Variants in CSGALNACT1 observed in about 807,000 individuals in gnomAD.
The protein encoded by CSGALNACT1 is beta4GalNAcT-1.
Under a neutral mutation model 51.0 loss-of-function variants are expected in CSGALNACT1, and 52 were observed. That is an observed-to-expected ratio of 1.02 (90% confidence interval 0.82 to 1.29). The LOEUF is 1.29. Among genes scored for constraint, CSGALNACT1 ranks in the 50% most tolerant of loss-of-function variants. The pLI is 0.00. For missense variants in CSGALNACT1, 935 were observed against 679.2 expected (o/e 1.38, Z -4.19); for synonymous variants, 341 against 254.4 (o/e 1.34, Z -3.24).
chr8:19,661,851 C>A (rs991204607), intron 1 of CSGALNACT1, among the ~76,000 whole-genome samples: 10 of 152,192 alleles, frequency 6.6e-5, no homozygotes, highest in African/African-American at 2.4e-4. Context: ...TCACCAGTGT[C>A]TGGGCCTCTA....
intron 3 of CSGALNACT1, among the ~76,000 whole-genome samples, chr8:19,576,090 C>T (rs1448299738): frequency 1.7e-4 from 26 of 152,148 alleles, no homozygotes; most frequent in Non-Finnish European, 3.8e-4. Context: ...CACCCCATCC[C>T]TGTTCTCTGT....
At chr8:19,693,643 C>T (rs954316471) in intron 1 of CSGALNACT1, among the ~76,000 whole-genome samples, 54 of 152,248 alleles carry the variant, frequency 3.5e-4, no homozygotes, top group African/African-American at 1.3e-3. Flanking sequence ...CCCCTGTTCA[C>T]ATACAGAGCT....
At chr8:19,640,267 A>G (rs972308765) in intron 1 of CSGALNACT1, among the ~76,000 whole-genome samples, 5 of 152,232 alleles carry the variant, frequency 3.3e-5, no homozygotes, top group Non-Finnish European at 5.9e-5. Context: ...GTATTTATAC[A>G]TATGTACATT....
chr8:19,691,384 A>C (rs557461746), intron 1 of CSGALNACT1, among the ~76,000 whole-genome samples: 1 of 152,324 alleles, frequency 6.6e-6, no homozygotes, highest in South Asian at 2.1e-4. Context: ...TTTGGACCAA[A>C]AGGGAAAATA....
intron 3 of CSGALNACT1, among the ~76,000 whole-genome samples, chr8:19,509,891 T>C (rs1011608022): frequency 2.0e-5 from 3 of 152,096 alleles, no homozygotes; most frequent in African/African-American, 4.8e-5. Context: ...CACAGCAGCA[T>C]TGAGCTACTA....
chr8:19,499,897 G>A lies in CSGALNACT1; in HGVS notation c.634+5304C>T, dbSNP rs974620627. ...TGGAGTGCCTGGGTACTGGATTCCC[G>A]GCAGTTGCTAGAAATCCAAGACTGG... On this transcript the variant is annotated intron_variant, in intron 4 of 9. Transcript: ENST00000454498. Among the ~76,000 whole-genome samples the A allele has an allele frequency of 5.3e-5, 8 of 152,220 alleles. No homozygotes were observed. The East Asian group carries it at 5.8e-4, about 11-fold the overall frequency.
At chr8:19,425,439 CCTTTT>C (rs2058628588) in intron 6 of CSGALNACT1, among the ~76,000 whole-genome samples, 1 of 152,170 alleles carries the variant, frequency 6.6e-6, no homozygotes, top group African/African-American at 2.4e-5. Context: ...GTGACTCCCT[CCTTTT>C]ATGTGTGTTC....
intron 1 of CSGALNACT1, among the ~76,000 whole-genome samples, chr8:19,699,162 G>A (rs534185459): frequency 2.0e-4 from 31 of 152,102 alleles, no homozygotes; most frequent in African/African-American, 5.8e-4. Context: ...ATGAGCCACC[G>A]CGCCCAGCCT....
At chr8:19,486,106 C>G (rs977713905) in intron 4 of CSGALNACT1, among the ~76,000 whole-genome samples, 3 of 151,640 alleles carry the variant, frequency 2.0e-5, no homozygotes, top group Admixed American at 6.6e-5. Context: ...AATACTAAAC[C>G]TCCTGAGAGT....
At chr8:19,654,469 G>A (rs941794047) in intron 1 of CSGALNACT1, among the ~76,000 whole-genome samples, 1 of 152,206 alleles carries the variant, frequency 6.6e-6, no homozygotes, top group Admixed American at 6.5e-5. Context: ...TAATGGTTGA[G>A]TGACCAGGAT....
intron 1 of CSGALNACT1, among the ~76,000 whole-genome samples, chr8:19,682,052 A>G (rs73667404): frequency 0.049 from 7,400 of 152,260 alleles, 619 homozygotes; most frequent in African/African-American, 0.17. Flanking sequence ...TGTACCACAG[A>G]AAGATTTTGG....
chr8:19,630,722 T>C (rs1230356978), intron 1 of CSGALNACT1, among the ~76,000 whole-genome samples: 1 of 152,234 alleles, frequency 6.6e-6, no homozygotes, highest in Non-Finnish European at 1.5e-5. Context: ...TAGTTGGAAC[T>C]ACATAGTAGC....
At chr8:19,705,598 A>G (rs1392088877) in intron 1 of CSGALNACT1, among the ~76,000 whole-genome samples, 2 of 152,062 alleles carry the variant, frequency 1.3e-5, no homozygotes, top group East Asian at 3.9e-4. Context: ...TTAGCCGGGC[A>G]TGGTGGTGCA....
At chr8:19,664,735 T>C (rs1469893408) in intron 1 of CSGALNACT1, among the ~76,000 whole-genome samples, 1 of 152,190 alleles carries the variant, frequency 6.6e-6, no homozygotes, top group African/African-American at 2.4e-5. Context: ...TAATGTCTTT[T>C]GTAGCAACAT....
chr8:19,582,795 T>A (rs898469850), intron 3 of CSGALNACT1, among the ~76,000 whole-genome samples: 6 of 152,208 alleles, frequency 3.9e-5, no homozygotes, highest in African/African-American at 1.4e-4. Context: ...CAGTAGCCCC[T>A]GTGTATGTAT....
intron 3 of CSGALNACT1, among the ~76,000 whole-genome samples, chr8:19,554,742 A>T (rs2089263097): frequency 6.6e-6 from 1 of 151,974 alleles, no homozygotes; most frequent in African/African-American, 2.4e-5. Context: ...ACATGGTGAA[A>T]CCCCGTCTCT....
rs116612523 is a variant in CSGALNACT1 at position 19,692,034 on chromosome 8, G to A, written c.-297+65816C>T. Among the ~76,000 whole-genome samples the A allele has an allele frequency of 4.0e-3, 581 of 146,804 alleles. 7 individuals are homozygous for A. Among genetic ancestry groups the A allele is most frequent in the African/African-American group, 0.014 (560 of 38,964 alleles). ...AGGGGAAACAAACACATAGTTCTTC[G>A]CAAAGTAGCAGAAGAGAAAGAGCAA... is the stretch of plus-strand genomic sequence containing the variant. On this transcript the variant is annotated intron_variant, in intron 1 of 1. Transcript: ENST00000517494.
At chr8:19,527,091 G>A (rs1354804394) in intron 3 of CSGALNACT1, among the ~76,000 whole-genome samples, 1 of 152,110 alleles carries the variant, frequency 6.6e-6, no homozygotes, top group Non-Finnish European at 1.5e-5. Context: ...AGATAAGTAA[G>A]ACAGCATTCT....
intron 5 of CSGALNACT1, among the ~76,000 whole-genome samples, chr8:19,455,548 G>A (rs2063923669): frequency 6.6e-6 from 1 of 152,052 alleles, no homozygotes; most frequent in African/African-American, 2.4e-5. Context: ...TGCTATGTTT[G>A]GCTAGTTGTC....
Sources: allele counts gnomAD v4.1 joint callset (sites outside exome capture counted in the v4.1 genomes callset), GRCh38; gene constraint gnomAD v4.1.1; transcripts MANE v1.5; gene names NCBI Gene and HGNC (gene_info 2026-07-23, HGNC 2026-07-21).